OPA1: variants seen among roughly 807,000 people sequenced by gnomAD.
OPA1 encodes OPA1 mitochondrial dynamin like GTPase.
OPA1 carries 59 observed loss-of-function variants against 152.9 expected under a neutral mutation model. The ratio of observed to expected loss-of-function variants is 0.39; its 90% CI spans 0.31 to 0.48. OPA1 has a LOEUF of 0.48. Among genes scored for constraint, OPA1 ranks in the 20% least tolerant of loss-of-function variants. The pLI is 0.96. For missense variants in OPA1, 1,008 were observed against 1,216.8 expected (o/e 0.83, Z 2.55); for synonymous variants, 400 against 389.9 (o/e 1.03, Z -0.31).
chr3:193,634,015 T>A (rs1466349115), intron 8 of OPA1, among the ~76,000 whole-genome samples: 1 of 152,224 alleles, frequency 6.6e-6, no homozygotes, highest in East Asian at 1.9e-4. Context: ...TGAGTTGGAC[T>A]TGCTGTAAGG....
At chr3:193,637,051 A>C (rs1733051823) in intron 9 of OPA1, 144 bp from the exon 10 acceptor site, 3 of 511,370 alleles carry the variant, frequency 5.9e-6, no homozygotes, top group African/African-American at 1.9e-5. Flanking sequence ...TTTACGATGA[A>C]GATGTATTTA....
At chr3:193,618,848 G>A (rs1729508529) in intron 5 of OPA1, 21 bp from the exon 6 acceptor site, 2 of 1,596,466 alleles carry the variant, frequency 1.3e-6, no homozygotes, top group African/African-American at 1.3e-5. Flanking sequence ...GAATGTAAAG[G>A]GTTGCATATT....
At chr3:193,690,685 A>G (rs1344943452) in intron 29 of OPA1, among the ~76,000 whole-genome samples, 1 of 152,124 alleles carries the variant, frequency 6.6e-6, no homozygotes, top group Non-Finnish European at 1.5e-5. Context: ...GGTAAAAAGG[A>G]ATACATGTAT....
chr3:193,667,036 T>C, intron 28 of OPA1, 134 bp from the exon 29 acceptor site: 1 of 631,110 alleles, frequency 1.6e-6, no homozygotes, highest in South Asian at 1.9e-5. Context: ...AGAGATTTTC[T>C]ATGACTATGA....
Position 193,593,325 on chromosome 3 carries a change from C to G in OPA1, c.-53C>G. 3.3e-6 allele frequency: 5 copies of G among 1,528,916 alleles called. No homozygotes were observed. Among genetic ancestry groups the G allele is most frequent in the East Asian group, 2.5e-5 (1 of 40,238 alleles). 94.7% of individuals were successfully genotyped at this position (1,528,916 alleles called of 1,614,324 possible). A position where few individuals can be genotyped will look rare whatever the true frequency, so the allele number is the denominator to read the frequency against. On this transcript the variant is annotated 5_prime_UTR_variant, in exon 1 of 31. Coordinates refer to ENST00000361510, the MANE Select transcript of OPA1 (RefSeq NM_130837.3). ...ACCGGGAGCCGGGCTGGGGCTCACA[C>G]GGGGGCTCCCGCGTGGCCGTCTCGG...
chr3:193,600,239 C>T (rs1221096549), intron 1 of OPA1, among the ~76,000 whole-genome samples: 2 of 152,164 alleles, frequency 1.3e-5, no homozygotes, highest in Non-Finnish European at 2.9e-5. Context: ...TCTCTGTCAC[C>T]ATCATAAAGA....
At chr3:193,620,291 C>A (rs887844511) in intron 6 of OPA1, among the ~76,000 whole-genome samples, 5 of 152,106 alleles carry the variant, frequency 3.3e-5, no homozygotes, top group Non-Finnish European at 5.9e-5. Context: ...TCTCTTATGG[C>A]CTAGGATCAC....
chr3:193,691,071 CTT>C (rs924377423), intron 29 of OPA1, among the ~76,000 whole-genome samples: 1 of 151,972 alleles, frequency 6.6e-6, no homozygotes, highest in Non-Finnish European at 1.5e-5. Flanking sequence ...AAAATAAAAA[CTT>C]AGCCAGGCGT....
Position 193,662,937 on chromosome 3 carries a change from G to A in OPA1, c.2636G>A (p.Arg879Gln), listed in dbSNP as rs200412464. 106 of 1,613,632 alleles carry A rather than the reference G, an allele frequency of 6.6e-5. No homozygotes were observed. The highest frequency in any genetic ancestry group is 7.5e-5 in the Non-Finnish European group (88 of 1,179,618). Residue 879 changes from arginine (R) to glutamine (Q), a missense_variant, in exon 26 of 31, where the codon CGA (arginine) becomes CAA (glutamine). Physicochemically the swap from Arg to Gln is conservative, Grantham distance 43. Transcript: ENST00000361510. ...ITTVRKNLES[R>Q]GVEVDPSLIK... Reference sequence around the variant, plus strand: ...ACAGTCCGGAAGAACCTTGAATCCCGAGGAGTAGAAGTAGATCCAAGCTTG... The same window carrying A: ...ACAGTCCGGAAGAACCTTGAATCCCAAGGAGTAGAAGTAGATCCAAGCTTG...
At chr3:193,668,580 T>C (rs1352664168) in intron 29 of OPA1, 12 of 1,543,382 alleles carry the variant, frequency 7.8e-6, no homozygotes, top group Non-Finnish European at 1.1e-5. Flanking sequence ...TTTGTGGAGA[T>C]ACCCTCTTTA....
chr3:193,686,557 T>C (rs187715846), intron 29 of OPA1, among the ~76,000 whole-genome samples: 4 of 152,322 alleles, frequency 2.6e-5, no homozygotes, highest in Admixed American at 2.6e-4. Context: ...AACTCTAAGA[T>C]TTTAGCTACA....
At chr3:193,638,208 G>GT (rs1423474041) in intron 11 of OPA1, 143 bp downstream of exon 11, 7 of 722,632 alleles carry the variant, frequency 9.7e-6, no homozygotes, top group Non-Finnish European at 1.7e-5. Flanking sequence ...GTGGAAATCA[G>GT]TAGAAGGCAC....
chr3:193,611,122 G>A (rs991307148), intron 1 of OPA1, among the ~76,000 whole-genome samples: 3 of 152,188 alleles, frequency 2.0e-5, no homozygotes, highest in African/African-American at 4.8e-5. Context: ...CGTTTTCTGC[G>A]TCGCTCAAGC....
chr3:193,646,005 A>T (rs185603663), intron 18 of OPA1, among the ~76,000 whole-genome samples: 23 of 152,344 alleles, frequency 1.5e-4, no homozygotes, highest in African/African-American at 5.5e-4. Flanking sequence ...ATGGTACAAT[A>T]CATACTGGCA....
intron 6 of OPA1, 49 bp downstream of exon 6, chr3:193,618,985 T>A (rs1729541603): frequency 2.8e-6 from 4 of 1,446,124 alleles, no homozygotes; most frequent in Admixed American, 3.3e-5. Flanking sequence ...AAAGATTTTT[T>A]AAAGTTTTTA....
intron 16 of OPA1, among the ~76,000 whole-genome samples, chr3:193,644,681 C>T (rs531008243): frequency 2.0e-5 from 3 of 152,194 alleles, no homozygotes; most frequent in East Asian, 1.9e-4. Flanking sequence ...TAAGGCCTGC[C>T]GTGGCATTAA....
Position 193,696,905 on chromosome 3 carries a change from G to A in OPA1, c.*2305G>A, listed in dbSNP as rs554405681. On this transcript the variant is annotated 3_prime_UTR_variant, in exon 31 of 31. Transcript: ENST00000361510. ...AATAAGTGGCCCTTGCAGCTTCCCC[G>A]TTTAACCCACTGTGCTATAGTTGCG... 17 of 152,316 alleles carry A rather than the reference G, an allele frequency of 1.1e-4. No individual in the cohort carries two copies. Among genetic ancestry groups the A allele is most frequent in the South Asian group, 8.3e-4 (4 of 4,824 alleles). The allele number at this position is 152,316 out of a possible 1,614,324, so 9.4% of individuals were successfully genotyped here. A position where few individuals can be genotyped will look rare whatever the true frequency, so the allele number is the denominator to read the frequency against.
chr3:193,659,256 A>C (rs1714647834), intron 24 of OPA1, among the ~76,000 whole-genome samples: 1 of 152,224 alleles, frequency 6.6e-6, no homozygotes, highest in South Asian at 2.1e-4. Context: ...TCGCTACTGT[A>C]CTTATAGGAA....
rs892953182 is a variant in OPA1 at position 193,667,152 on chromosome 3, T to C, written c.2873-18T>C. 7 of 1,255,548 alleles carry C rather than the reference T, an allele frequency of 5.6e-6. No homozygotes were observed. The Admixed American group carries it at 8.4e-5, about 15-fold the overall frequency. 77.8% of individuals were successfully genotyped at this position (1,255,548 alleles called of 1,614,324 possible). A position where few individuals can be genotyped will look rare whatever the true frequency, so the allele number is the denominator to read the frequency against. ...ATAAAAACGATGCTCCTCAGGTTTT[T>C]TAACTTTCTTTAAACAGTTAGGCGA... On this transcript the variant is annotated intron_variant, in intron 28 of 30. Transcript: ENST00000361510.
Sources: gnomAD v4.1 joint callset for allele counts (sites outside exome capture counted in the v4.1 genomes callset) on GRCh38, gnomAD v4.1.1 for gene constraint, MANE v1.5 for transcripts, NCBI Gene and HGNC (gene_info 2026-07-23, HGNC 2026-07-21) for gene names.